ERI3: variants seen among roughly 807,000 people sequenced by gnomAD.
ERI3 encodes the protein ERI1 exoribonuclease family member 3, also known as ERI1 exoribonuclease 3.
ERI3 carries 18 observed loss-of-function variants against 44.4 expected under a neutral mutation model. The ratio of observed to expected loss-of-function variants is 0.41; its 90% CI spans 0.28 to 0.60. The LOEUF (loss-of-function observed/expected upper bound fraction) is 0.60, where lower values mean the gene tolerates loss of function less well. Among genes scored for constraint, ERI3 ranks in the 20% least tolerant of loss-of-function variants. ERI3 has a pLI of 0.36. For missense variants in ERI3, 294 were observed against 435.5 expected (o/e 0.68, Z 2.89); for synonymous variants, 183 against 164.8 (o/e 1.11, Z -0.84).
intron 8 of ERI3, among the ~76,000 whole-genome samples, chr1:44,245,952 CT>C (rs1277053937): frequency 6.6e-6 from 1 of 152,134 alleles, no homozygotes; most frequent in East Asian, 1.9e-4. Context: ...ATTTACTCAC[CT>C]ACTCATTCAT....
At chr1:44,313,592 TAC>T (rs1386365843) in intron 4 of ERI3, among the ~76,000 whole-genome samples, 1 of 152,132 alleles carries the variant, frequency 6.6e-6, no homozygotes, top group African/African-American at 2.4e-5. Context: ...TTCCCACAAT[TAC>T]AGTCTCAAGT....
chr1:44,296,769 A>G (rs1290756220), intron 6 of ERI3, among the ~76,000 whole-genome samples: 4 of 152,216 alleles, frequency 2.6e-5, no homozygotes, highest in Non-Finnish European at 5.9e-5. Context: ...ACCTGCCCAG[A>G]GGAAGCCAAA....
intron 8 of ERI3, among the ~76,000 whole-genome samples, chr1:44,236,760 G>A (rs546868739): frequency 4.5e-4 from 69 of 152,216 alleles, no homozygotes; most frequent in East Asian, 5.8e-4. Flanking sequence ...CTCCCCCTAA[G>A]CTGACAAGGC....
chr1:44,326,856 T>A (rs544040262), intron 3 of ERI3, among the ~76,000 whole-genome samples: 46 of 152,350 alleles, frequency 3.0e-4, no homozygotes, highest in Non-Finnish European at 6.0e-4. Context: ...ATTCTTTATT[T>A]GAGGAGAGTA....
At position 44,236,812 on chromosome 1, in the gene ERI3, C is replaced by T. The variant is rs973774108; in HGVS notation, c.931+11127G>A. On this transcript the variant is annotated intron_variant, in intron 8 of 8. Transcript: ENST00000372257. ...CTTCCGCCAAAATGATCAAGCTGTC[C>T]TGATGGGTCACCATGGAGCCCTCCT... Among the ~76,000 whole-genome samples the T allele has an allele frequency of 3.9e-5, 6 of 152,296 alleles. No homozygotes were observed. The South Asian group carries it at 1.2e-3, about 32-fold the overall frequency.
intron 7 of ERI3, among the ~76,000 whole-genome samples, chr1:44,260,551 A>G (rs866225988): frequency 6.6e-6 from 1 of 152,226 alleles, no homozygotes; most frequent in Non-Finnish European, 1.5e-5. Flanking sequence ...CCCATTGTAT[A>G]GTCTCTGGAT....
At chr1:44,266,186 T>C (rs1644987632) in intron 7 of ERI3, among the ~76,000 whole-genome samples, 2 of 152,158 alleles carry the variant, frequency 1.3e-5, no homozygotes, top group Non-Finnish European at 2.9e-5. Flanking sequence ...TGTAGGTGTG[T>C]GAAGAGGGAG....
At chr1:44,281,678 A>T (rs2154323090) in intron 7 of ERI3, among the ~76,000 whole-genome samples, 1 of 149,246 alleles carries the variant, frequency 6.7e-6, no homozygotes, top group South Asian at 2.1e-4. Context: ...TGTGCATGTT[A>T]TCTTTATACT....
At chr1:44,242,844 G>A (rs1174922431) in intron 8 of ERI3, among the ~76,000 whole-genome samples, 1 of 152,204 alleles carries the variant, frequency 6.6e-6, no homozygotes, top group Non-Finnish European at 1.5e-5. Context: ...AGGCAAAGCT[G>A]TACTGCAGAC....
At chr1:44,231,263 T>A (rs1644176567) in intron 8 of ERI3, among the ~76,000 whole-genome samples, 1 of 152,216 alleles carries the variant, frequency 6.6e-6, no homozygotes, top group South Asian at 2.1e-4. Context: ...ATTTTCAGAT[T>A]ATGGATGCCT....
intron 7 of ERI3, among the ~76,000 whole-genome samples, chr1:44,249,316 A>G (rs1162629907): frequency 6.6e-6 from 1 of 152,188 alleles, no homozygotes; most frequent in Admixed American, 6.5e-5. Context: ...CTGTGAGTAG[A>G]TGAGCACCGC....
intron 6 of ERI3, among the ~76,000 whole-genome samples, chr1:44,301,571 T>A (rs1254193393): frequency 6.6e-6 from 1 of 152,158 alleles, no homozygotes; most frequent in Non-Finnish European, 1.5e-5. Flanking sequence ...CCTCAGGCCA[T>A]CCCACACTAG....
At chr1:44,324,099 T>C (rs897690146) in intron 3 of ERI3, among the ~76,000 whole-genome samples, 1 of 152,198 alleles carries the variant, frequency 6.6e-6, no homozygotes, top group Non-Finnish European at 1.5e-5. Context: ...GCAGGAACCA[T>C]GTGCCTTCAG....
At chr1:44,224,983 G>A (rs1407842869) in intron 8 of ERI3, among the ~76,000 whole-genome samples, 1 of 152,158 alleles carries the variant, frequency 6.6e-6, no homozygotes, top group African/African-American at 2.4e-5. Context: ...AGAAAGTGAG[G>A]AAGCTTGGCA....
At chr1:44,353,717 G>C (rs1646941500) in intron 1 of ERI3, 1 of 985,328 alleles carries the variant, frequency 1.0e-6, no homozygotes. Context: ...TCTTAGCCAA[G>C]CTCTATGACC....
intron 8 of ERI3, among the ~76,000 whole-genome samples, chr1:44,222,419 T>G (rs1643923037): frequency 6.6e-6 from 1 of 152,256 alleles, no homozygotes; most frequent in African/African-American, 2.4e-5. Context: ...GTCACCTTTT[T>G]GGGCCCTGTT....
intron 6 of ERI3, among the ~76,000 whole-genome samples, chr1:44,287,734 C>G (rs2154323671): frequency 6.6e-6 from 1 of 152,368 alleles, no homozygotes; most frequent in East Asian, 1.9e-4. Context: ...GACAATAATT[C>G]TATTTCCTTC....
At chr1:44,322,375 G>C (rs1646221157) in intron 3 of ERI3, among the ~76,000 whole-genome samples, 1 of 148,432 alleles carries the variant, frequency 6.7e-6, no homozygotes. Flanking sequence ...GCCAGACTCG[G>C]ATCCACGCAA....
intron 4 of ERI3, 36 bp downstream of exon 4, chr1:44,319,592 C>T: frequency 6.7e-7 from 1 of 1,490,684 alleles, no homozygotes; most frequent in Non-Finnish European, 9.3e-7. Context: ...AATTCCCCTC[C>T]CAGCAGCCCC....
Sources: gnomAD v4.1 joint callset for allele counts (sites outside exome capture counted in the v4.1 genomes callset) on GRCh38, gnomAD v4.1.1 for gene constraint, MANE v1.5 for transcripts, NCBI Gene and HGNC (gene_info 2026-07-23, HGNC 2026-07-21) for gene names.